The following WDPCP variants were observed in gnomAD, a reference collection of about 807,000 sequenced individuals.
WDPCP encodes the protein WD repeat-containing and planar cell polarity effector protein fritz homolog.
WDPCP carries 71 observed loss-of-function variants against 93.1 expected under a neutral mutation model. That is an observed-to-expected ratio of 0.76 (90% CI 0.63 to 0.93). The LOEUF (loss-of-function observed/expected upper bound fraction) is 0.93, where lower values mean the gene tolerates loss of function less well. Among genes scored for constraint, WDPCP ranks in the 40% least tolerant of loss-of-function variants. WDPCP has a pLI of 0.00. For synonymous variants in WDPCP, 315 were observed against 315.0 expected (o/e 1.00, Z 0.00); for missense variants, 844 against 887.4 (o/e 0.95, Z 0.62).
At chr2:63,134,197 T>A (rs1670468604) in intron 17 of WDPCP, among the ~76,000 whole-genome samples, 1 of 152,208 alleles carries the variant, frequency 6.6e-6, no homozygotes, top group South Asian at 2.1e-4. Context: ...TCCCACCTGG[T>A]CAAATCCTTG....
intron 17 of WDPCP, 30 bp downstream of exon 17, chr2:63,152,884 G>A (rs1448051861): frequency 2.5e-6 from 4 of 1,596,414 alleles, no homozygotes; most frequent in South Asian, 2.2e-5. Context: ...GAATTTAAAT[G>A]TCTAGTAATA....
chr2:63,687,627 T>C (rs963169991), intron 2 of WDPCP, among the ~76,000 whole-genome samples: 4 of 152,080 alleles, frequency 2.6e-5, no homozygotes, highest in African/African-American at 9.7e-5. Context: ...ATCAAAACTA[T>C]AGTGAGATAT....
rs190377754 is a variant in WDPCP, at chr2:63,148,885, C to T, written c.2190+4029G>A. 2.1e-3 allele frequency among the ~76,000 whole-genome samples: 316 copies of T among 151,868 alleles called. 1 individual carries two copies. The highest frequency in any genetic ancestry group is 7.5e-3 in the African/African-American group (312 of 41,370). On this transcript the variant is annotated intron_variant, in intron 17 of 17. Coordinates refer to ENST00000272321, the MANE Select transcript of WDPCP (RefSeq NM_015910.7). ...CAACACACACACACACACACACACA[C>T]ACACATCCCAAACCCCAATGGATTA...
intron 2 of WDPCP, among the ~76,000 whole-genome samples, chr2:63,767,091 G>A (rs778503532): frequency 1.3e-5 from 2 of 152,102 alleles, no homozygotes; most frequent in Non-Finnish European, 2.9e-5. Context: ...TACAAATGGA[G>A]TTATAATGTA....
At chr2:63,824,915 C>T (rs1166674910) in intron 1 of WDPCP, among the ~76,000 whole-genome samples, 1 of 151,792 alleles carries the variant, frequency 6.6e-6, no homozygotes, top group East Asian at 1.9e-4. Context: ...ACGTATTTTA[C>T]AATATAACAG....
At position 63,133,503 on chromosome 2, in the gene WDPCP, CGT is replaced by C. The variant is rs1670428294; in HGVS notation, c.2191-11449_2191-11448del. ...TCACCTTGAATTGTAATAATTCCCA[CGT>C]GTCAAGGGTGGGACCAGGTGGAGGT... On this transcript the variant is annotated intron_variant, in intron 17 of 17. Coordinates refer to ENST00000272321, the MANE Select transcript of WDPCP (RefSeq NM_015910.7). Among the ~76,000 whole-genome samples, 5 of 152,276 alleles carry C rather than the reference CGT, an allele frequency of 3.3e-5. No individual in the cohort carries two copies. In the South Asian group the frequency reaches 8.3e-4, roughly 25 times the overall value.
intron 2 of WDPCP, among the ~76,000 whole-genome samples, chr2:63,770,028 G>T (rs1272003936): frequency 6.6e-6 from 1 of 151,732 alleles, no homozygotes; most frequent in African/African-American, 2.4e-5. Context: ...AATTTCAAAT[G>T]ATTGAAATGA....
chr2:63,532,956 AG>A (rs1365065504), intron 1 of WDPCP, among the ~76,000 whole-genome samples: 1 of 152,230 alleles, frequency 6.6e-6, no homozygotes, highest in Non-Finnish European at 1.5e-5. Context: ...TGCTGTATTC[AG>A]GAGACCCATC....
intron 1 of WDPCP, among the ~76,000 whole-genome samples, chr2:63,497,449 C>T (rs190743375): frequency 9.2e-5 from 14 of 152,136 alleles, no homozygotes; most frequent in African/African-American, 3.4e-4. Context: ...AACAGGGGAG[C>T]GGGAGGAAGA....
chr2:63,397,324 A>C (rs1693813161), intron 10 of WDPCP, among the ~76,000 whole-genome samples: 1 of 152,134 alleles, frequency 6.6e-6, no homozygotes, highest in South Asian at 2.1e-4. Flanking sequence ...ATTCACCAAA[A>C]AGAAGAATAC....
intron 2 of WDPCP, among the ~76,000 whole-genome samples, chr2:63,489,372 A>G (rs964715625): frequency 2.6e-5 from 4 of 152,140 alleles, no homozygotes; most frequent in Non-Finnish European, 5.9e-5. Flanking sequence ...TACAGAAATA[A>G]ATATGGATGT....
At chr2:63,284,307 A>C (rs1167037743) in intron 13 of WDPCP, among the ~76,000 whole-genome samples, 1 of 152,208 alleles carries the variant, frequency 6.6e-6, no homozygotes, top group South Asian at 2.1e-4. Flanking sequence ...GGGGGTCCCC[A>C]GTGGATGCCT....
At chr2:63,790,565 C>A (rs1283920299) in intron 2 of WDPCP, among the ~76,000 whole-genome samples, 3 of 152,040 alleles carry the variant, frequency 2.0e-5, no homozygotes, top group African/African-American at 7.2e-5. Context: ...TGGGCTACAG[C>A]CCCTTAAACC....
intron 10 of WDPCP, among the ~76,000 whole-genome samples, chr2:63,389,607 G>T (rs1215321772): frequency 1.3e-5 from 2 of 151,988 alleles, no homozygotes; most frequent in African/African-American, 4.8e-5. Flanking sequence ...CAGACAAACT[G>T]GAAAAAGAGT....
chr2:63,460,201 A>T (rs1478465841), intron 6 of WDPCP, among the ~76,000 whole-genome samples: 1 of 152,146 alleles, frequency 6.6e-6, no homozygotes, highest in East Asian at 1.9e-4. Flanking sequence ...ATGGAACTGG[A>T]GGTCAGTATG....
At position 63,812,365 on chromosome 2, in the gene WDPCP, T is replaced by C. The variant is rs571977771; in HGVS notation, n.308+1257A>G. Reference sequence around the variant, plus strand: ...GTCTTTGCTATTATGAATAGTGCTGTGATGAACAGGTAAGGCTGTGTCTTT... The same window carrying C: ...GTCTTTGCTATTATGAATAGTGCTGCGATGAACAGGTAAGGCTGTGTCTTT... On this transcript the variant is annotated intron_variant and non_coding_transcript_variant, in intron 2 of 4. Transcript: ENST00000467687. 5.1e-4 allele frequency among the ~76,000 whole-genome samples: 77 copies of C among 152,338 alleles called. 1 individual carries two copies. The highest frequency in any genetic ancestry group is 1.7e-3 in the African/African-American group (70 of 41,578).
chr2:63,127,835 A>G (rs1331336897), intron 17 of WDPCP, among the ~76,000 whole-genome samples: 3 of 151,916 alleles, frequency 2.0e-5, no homozygotes, highest in African/African-American at 7.3e-5. Context: ...GGTTTCTGCC[A>G]TTTCTAAATA....
intron 6 of WDPCP, 153 bp from the exon 7 acceptor site, chr2:63,440,024 T>C (rs1029960631): frequency 1.9e-5 from 12 of 624,392 alleles, no homozygotes; most frequent in Non-Finnish European, 3.2e-5. Context: ...GAAAAACAAT[T>C]ACTGACATTG....
chr2:63,134,422 G>A (rs1186153567), intron 17 of WDPCP, among the ~76,000 whole-genome samples: 1 of 152,156 alleles, frequency 6.6e-6, no homozygotes, highest in Non-Finnish European at 1.5e-5. Context: ...TTCTGGCTAA[G>A]TTTCACAGAA....
Sources: allele counts gnomAD v4.1 joint callset (sites outside exome capture counted in the v4.1 genomes callset), GRCh38; gene constraint gnomAD v4.1.1; transcripts MANE v1.5; gene names NCBI Gene and HGNC (gene_info 2026-07-23, HGNC 2026-07-21).